The following SLC22A23 variants were observed in gnomAD, a reference collection of about 807,000 sequenced individuals.
SLC22A23 encodes the protein solute carrier family 22 member 23.
In SLC22A23, 26 loss-of-function variants were observed where a neutral mutation model predicts 61.0. That is an observed-to-expected ratio of 0.43 (90% confidence interval 0.31 to 0.59). The LOEUF is 0.59. Among genes scored for constraint, SLC22A23 ranks in the 20% least tolerant of loss-of-function variants. The probability of loss-of-function intolerance (pLI) is 0.11; values close to 1 mark genes in which losing one functional copy is unlikely to be tolerated. For synonymous variants in SLC22A23, 430 were observed against 413.9 expected, an observed-to-expected ratio of 1.04 and a Z score of -0.47; for missense variants, 796 against 934.7, an observed-to-expected ratio of 0.85 and a Z score of 1.94.
chr6:3,290,146 CCAGT>C (rs1397412031), intron 5 of SLC22A23: 33 of 500,882 alleles, frequency 6.6e-5, no homozygotes, highest in Admixed American at 3.0e-4. Flanking sequence ...TGTTTTGGAA[CCAGT>C]CAGAGTGCAC....
At chr6:3,279,640 T>C (rs1158942188) in intron 9 of SLC22A23, among the ~76,000 whole-genome samples, 1 of 151,802 alleles carries the variant, frequency 6.6e-6, no homozygotes, top group East Asian at 1.9e-4. Flanking sequence ...AGAAAGAGAT[T>C]GTTACATCCT....
rs1385838210 is a variant in SLC22A23 at position 3,414,960 on chromosome 6, T to A, written c.758+792A>T. Reference sequence around the variant, plus strand: ...GCTCTGAGGCCACGTGGTGGCTGAGTTTCAAGTTCTGGCTCTCCAGCTTAA... The same window carrying A: ...GCTCTGAGGCCACGTGGTGGCTGAGATTCAAGTTCTGGCTCTCCAGCTTAA... On this transcript the variant is annotated intron_variant, in intron 2 of 9. Coordinates refer to ENST00000406686, the MANE Select transcript of SLC22A23 (RefSeq NM_015482.2). This position sits in a 1 kb window ranked among gnomAD's most constrained non-coding sequence, Gnocchi z 5.1. 1.3e-5 allele frequency among the ~76,000 whole-genome samples: 2 copies of A among 152,102 alleles called. No individual in the cohort carries two copies. The highest frequency in any genetic ancestry group is 4.8e-5 in the African/African-American group (2 of 41,402).
At chr6:3,400,210 T>G (rs1266941286) in intron 3 of SLC22A23, among the ~76,000 whole-genome samples, 1 of 152,188 alleles carries the variant, frequency 6.6e-6, no homozygotes, top group African/African-American at 2.4e-5. Context: ...TTTTAAAAGC[T>G]CTGAATGGAT....
rs570274023 is a variant in SLC22A23 at position 3,410,706 on chromosome 6, A to C, written c.759-364T>G. Among the ~76,000 whole-genome samples, 10 of 152,294 alleles carry C rather than the reference A, an allele frequency of 6.6e-5. No individual in the cohort carries two copies. Among genetic ancestry groups the C allele is most frequent in the African/African-American group, 1.9e-4 (8 of 41,554 alleles). On this transcript the variant is annotated intron_variant, in intron 2 of 9. Transcript: ENST00000406686. This position sits in a 1 kb window ranked among gnomAD's most constrained non-coding sequence, Gnocchi z 5.0. ...AGGAACCTTGATACACCCAGCATAAAAAGTCTTGAGAAATCGTTGACCTTT... is the reference window on the plus strand; with the variant it reads ...AGGAACCTTGATACACCCAGCATAACAAGTCTTGAGAAATCGTTGACCTTT...
chr6:3,352,484 T>A (rs6909091), intron 3 of SLC22A23, among the ~76,000 whole-genome samples: 196 of 151,894 alleles, frequency 1.3e-3, no homozygotes, highest in African/African-American at 4.4e-3. Flanking sequence ...CATACACACA[T>A]AGGCATACTT....
Position 3,372,708 on chromosome 6 carries a change from C to T in SLC22A23, c.913+37480G>A, listed in dbSNP as rs529028309. On this transcript the variant is annotated intron_variant, in intron 3 of 9. Coordinates refer to ENST00000406686, the MANE Select transcript of SLC22A23 (RefSeq NM_015482.2). The surrounding 1 kb of genome is among the most constrained non-coding windows in gnomAD (Gnocchi z 4.7). The stretch of plus-strand genomic sequence containing the variant: ...CCAGGGAGCTGGAGCACAGCCGGGG[C>T]GTTAGATATGGAGCCTCAGGGTGCG... Among the ~76,000 whole-genome samples, 3 of 152,284 alleles carry T rather than the reference C, an allele frequency of 2.0e-5. No individual in the cohort carries two copies. The highest frequency in any genetic ancestry group is 7.2e-5 in the African/African-American group (3 of 41,550).
chr6:3,407,336 C>T (rs917995518), intron 3 of SLC22A23, among the ~76,000 whole-genome samples: 2 of 152,172 alleles, frequency 1.3e-5, no homozygotes, highest in East Asian at 1.9e-4. Context: ...TCAGTGACTC[C>T]GCTTTTTGAC....
chr6:3,320,197 C>A (rs376412210), intron 4 of SLC22A23, among the ~76,000 whole-genome samples: 1 of 152,186 alleles, frequency 6.6e-6, no homozygotes, highest in Non-Finnish European at 1.5e-5. Flanking sequence ...GGTTTGACAC[C>A]TGGGAACTTC....
At chr6:3,302,835 T>A (rs1761709838) in intron 4 of SLC22A23, 1 of 152,008 alleles carries the variant, frequency 6.6e-6, no homozygotes, top group Admixed American at 6.6e-5. Context: ...TTTTTGAGAC[T>A]TGTTTTGTGT....
chr6:3,406,062 T>G (rs1477311627), intron 3 of SLC22A23, among the ~76,000 whole-genome samples: 1 of 152,248 alleles, frequency 6.6e-6, no homozygotes, highest in Non-Finnish European at 1.5e-5. Context: ...ACCCTTCATT[T>G]GCCCACAGGA....
At chr6:3,406,777 A>G (rs1445981240) in intron 3 of SLC22A23, among the ~76,000 whole-genome samples, 1 of 152,166 alleles carries the variant, frequency 6.6e-6, no homozygotes, top group Non-Finnish European at 1.5e-5. Flanking sequence ...TAATTACACA[A>G]CCACATCTCC....
intron 5 of SLC22A23, chr6:3,290,608 G>A (rs959865881): frequency 7.8e-5 from 12 of 153,098 alleles, no homozygotes; most frequent in African/African-American, 2.9e-4. Context: ...CGGCTCCAGC[G>A]GCTCTGAAAG....
intron 3 of SLC22A23, among the ~76,000 whole-genome samples, chr6:3,363,555 C>A (rs1308183726): frequency 6.6e-6 from 1 of 152,202 alleles, no homozygotes; most frequent in Non-Finnish European, 1.5e-5. Context: ...CTGCTGCCTG[C>A]GGCTGGCCCT....
At chr6:3,447,886 CCTCT>C (rs201770341) in intron 1 of SLC22A23, among the ~76,000 whole-genome samples, 26 of 123,126 alleles carry the variant, frequency 2.1e-4, no homozygotes, top group Non-Finnish European at 3.7e-4. Flanking sequence ...CCATGCCTGG[CCTCT>C]CTCTCTCTTT....
intron 3 of SLC22A23, among the ~76,000 whole-genome samples, chr6:3,366,877 C>T (rs1440814916): frequency 3.3e-5 from 5 of 152,210 alleles, no homozygotes; most frequent in African/African-American, 7.2e-5. Flanking sequence ...CCCCATCCTC[C>T]ACTCAAAATG....
intron 3 of SLC22A23, among the ~76,000 whole-genome samples, chr6:3,336,226 C>A (rs1472579150): frequency 1.3e-5 from 2 of 152,180 alleles, no homozygotes; most frequent in Admixed American, 1.3e-4. Flanking sequence ...TGGGAGGCTG[C>A]GAGTCAGAAT....
At chr6:3,369,050 C>CTTT (rs34847864) in intron 3 of SLC22A23, among the ~76,000 whole-genome samples, 1 of 147,504 alleles carries the variant, frequency 6.8e-6, no homozygotes, top group African/African-American at 2.5e-5. Flanking sequence ...GTGAGGTTTA[C>CTTT]TTTTTTTTTT....
intron 4 of SLC22A23, among the ~76,000 whole-genome samples, chr6:3,315,987 A>C (rs1250471845): frequency 1.3e-5 from 2 of 152,170 alleles, no homozygotes; most frequent in Admixed American, 6.5e-5. Context: ...TGTGCTTCCC[A>C]AACAGCAGGG....
chr6:3,370,795 A>C (rs972889425), intron 3 of SLC22A23, among the ~76,000 whole-genome samples: 1 of 152,258 alleles, frequency 6.6e-6, no homozygotes, highest in African/African-American at 2.4e-5. Flanking sequence ...AAGCCAGGAC[A>C]TCACGACTCA....
Sources: gnomAD v4.1 joint callset for allele counts (sites outside exome capture counted in the v4.1 genomes callset) on GRCh38, gnomAD v4.1.1 for gene constraint, Gnocchi (gnomAD v3.1) non-coding constraint, MANE v1.5 for transcripts, NCBI Gene and HGNC (gene_info 2026-07-23, HGNC 2026-07-21) for gene names.